The following KIF26A variants were observed in gnomAD, a reference collection of about 807,000 sequenced individuals.
KIF26A encodes kinesin-like protein KIF26A.
Under a neutral mutation model 126.0 loss-of-function variants are expected in KIF26A, and 74 were observed. The ratio of observed to expected loss-of-function variants is 0.59; its 90% CI spans 0.49 to 0.71. KIF26A has a LOEUF of 0.71. Ranked by LOEUF, KIF26A falls within the 30% of genes least tolerant of loss-of-function variation. The pLI is 0.00. For synonymous variants in KIF26A, 1,445 were observed against 1,232.7 expected (o/e 1.17, Z -3.61); for missense variants, 2,984 against 2,763.3 (o/e 1.08, Z -1.79).
chr14:104,167,069 G>T, intron 5 of KIF26A, 21 bp downstream of exon 5: 1 of 1,504,306 alleles, frequency 6.6e-7, no homozygotes. Context: ...CCCCGAGTTC[G>T]GGGCCCTGGG....
Position 104,177,071 on chromosome 14 carries a change from C to T in KIF26A, c.4283C>T (p.Ala1428Val), listed in dbSNP as rs369615329. ...SLKARASKVE[A>V]AHRLAGHASL... ...AAGGCCCGGGCCAGCAAGGTAGAAGCAGCACACCGTCTTGCCGGACACGCG... is the reference window on the plus strand; with the variant it reads ...AAGGCCCGGGCCAGCAAGGTAGAAGTAGCACACCGTCTTGCCGGACACGCG... The change falls in exon 12 of 15, where the codon GCA becomes GTA. Residue 1428 changes from alanine (A) to valine (V), a missense_variant. Ala to Val is a moderately conservative substitution (Grantham distance 64). Transcript: ENST00000423312. 6.0e-5 allele frequency: 96 copies of T among 1,593,064 alleles called. No homozygotes were observed. The African/African-American group carries it at 7.1e-4, about 12-fold the overall frequency.
chr14:104,150,575 G>A (rs1352376342), intron 2 of KIF26A, among the ~76,000 whole-genome samples: 1 of 152,136 alleles, frequency 6.6e-6, no homozygotes, highest in Non-Finnish European at 1.5e-5. Context: ...GCCAGCCAAG[G>A]GCAGGCTCAA....
intron 2 of KIF26A, among the ~76,000 whole-genome samples, chr14:104,149,906 A>T (rs991124691): frequency 6.6e-6 from 1 of 152,058 alleles, no homozygotes; most frequent in Non-Finnish European, 1.5e-5. Flanking sequence ...GCAGGCGGGG[A>T]CTTCCTTCCC....
chr14:104,141,855 C>T (rs111473199), intron 2 of KIF26A, among the ~76,000 whole-genome samples: 38 of 152,348 alleles, frequency 2.5e-4, no homozygotes, highest in African/African-American at 8.2e-4. Flanking sequence ...AGCAGGTTCC[C>T]GAGAGTTCTT....
At chr14:104,173,664 G>A in intron 9 of KIF26A, 42 bp from the exon 10 acceptor site, 1 of 1,601,204 alleles carries the variant, frequency 6.2e-7, no homozygotes, top group Non-Finnish European at 8.5e-7. Flanking sequence ...AGGATCTGGG[G>A]GCCCCTGGCT....
rs1041534181 is a variant in KIF26A, at chr14:104,168,779, G to T, written c.1113+1731G>T. 3.9e-5 allele frequency among the ~76,000 whole-genome samples: 6 copies of T among 152,338 alleles called. No homozygotes were observed. The East Asian group carries it at 1.2e-3, about 29-fold the overall frequency. ...GACATTCTGCATCCAAGGCCCGGGG[G>T]CAGGGGAAGCTGTGTGGCCTGGATC... On this transcript the variant is annotated intron_variant, in intron 5 of 14. Coordinates refer to ENST00000423312, the MANE Select transcript of KIF26A (RefSeq NM_015656.2).
chr14:104,142,978 C>T (rs910916737), intron 2 of KIF26A, among the ~76,000 whole-genome samples: 16 of 152,348 alleles, frequency 1.1e-4, no homozygotes, highest in African/African-American at 3.6e-4. Flanking sequence ...AAGGATGGTT[C>T]CCTGCTTCAA....
intron 2 of KIF26A, among the ~76,000 whole-genome samples, chr14:104,143,355 C>T (rs1454780341): frequency 2.0e-5 from 3 of 152,198 alleles, no homozygotes; most frequent in Non-Finnish European, 1.5e-5. Context: ...AGGCTGGGAG[C>T]CCTCCTACCG....
chr14:104,140,776 C>T (rs1218795433), intron 2 of KIF26A, among the ~76,000 whole-genome samples: 1 of 152,172 alleles, frequency 6.6e-6, no homozygotes, highest in South Asian at 2.1e-4. Context: ...CTGAGCTTGG[C>T]CTTTGACACT....
In KIF26A at chr14:104,175,953, T is replaced by G; in HGVS notation, c.3165T>G (p.Ala1055=). 1 of 1,567,062 alleles carries G rather than the reference T, an allele frequency of 6.4e-7. No individual in the cohort carries two copies. Among genetic ancestry groups the G allele is most frequent in the African/African-American group, 1.3e-5 (1 of 74,266 alleles). Residue 1055 remains alanine, a synonymous_variant, in exon 12 of 15, where the codon GCT becomes GCG. Transcript: ENST00000423312. ...GAGCTGGGCGGCCCACCAGCCTGGCTAGCTTCGACAGTGACTGCTCCCTGC... is the reference window on the plus strand; with the variant it reads ...GAGCTGGGCGGCCCACCAGCCTGGCGAGCTTCGACAGTGACTGCTCCCTGC... ...LAGAGRPTSL[A]SFDSDCSLRA...
In KIF26A at chr14:104,176,320, G is replaced by C; in HGVS notation, c.3532G>C (p.Gly1178Arg). 6.3e-7 allele frequency: 1 copy of C among 1,586,044 alleles called. No individual in the cohort carries two copies. The highest frequency in any genetic ancestry group is 8.6e-7 in the Non-Finnish European group (1 of 1,163,138). The part of the protein sequence containing the change: ...SPGPTWGPCP[G>R]EVAAVAPSRP... ...TGGGCCAACCTGGGGTCCGTGCCCT[G>C]GGGAAGTGGCTGCAGTGGCCCCATC... Residue 1178 changes from glycine to arginine, a missense_variant, in exon 12 of 15, where the codon GGG becomes CGG. Coordinates refer to ENST00000423312, the MANE Select transcript of KIF26A (RefSeq NM_015656.2).
chr14:104,151,434 T>C lies in KIF26A; in HGVS notation c.289-581T>C, dbSNP rs1258801992. On this transcript the variant is annotated intron_variant, in intron 2 of 14. Coordinates refer to ENST00000423312, the MANE Select transcript of KIF26A (RefSeq NM_015656.2). This position sits in a 1 kb window ranked among gnomAD's most constrained non-coding sequence, Gnocchi z 4.9. ...CCTGGGCTGTACCCGATCCTGCGGC[T>C]CTTGCGCCCCTTCGGTGAGCTCATG... 1.3e-5 allele frequency among the ~76,000 whole-genome samples: 2 copies of C among 152,194 alleles called. No homozygotes were observed. The highest frequency in any genetic ancestry group is 1.3e-4 in the Admixed American group (2 of 15,284).
chr14:104,168,949 G>A (rs923624299), intron 5 of KIF26A, among the ~76,000 whole-genome samples: 5 of 152,210 alleles, frequency 3.3e-5, no homozygotes, highest in African/African-American at 1.2e-4. Context: ...CTGGGGGTCT[G>A]CGGGGAACAA....
intron 2 of KIF26A, among the ~76,000 whole-genome samples, chr14:104,140,075 A>G (rs916672267): frequency 2.6e-5 from 4 of 152,170 alleles, no homozygotes; most frequent in African/African-American, 9.7e-5. Context: ...GCCTTTATGA[A>G]AGAGTTCCTG....
At position 104,180,564 on chromosome 14, in the gene KIF26A, T is replaced by C. The variant is rs769541880; in HGVS notation, c.*774T>C. The C allele has an allele frequency of 6.5e-6, 1 of 152,854 alleles. No individual in the cohort carries two copies. The highest frequency in any genetic ancestry group is 1.5e-5 in the Non-Finnish European group (1 of 68,220). 9.5% of individuals were successfully genotyped at this position (152,854 alleles called of 1,614,324 possible). A position where few individuals can be genotyped will look rare whatever the true frequency, so the allele number is the denominator to read the frequency against. ...TCATATTTTTATATCATTTTGCCCATAAATGCGGAATTTGCCGTGGGAATT... is the reference window on the plus strand; with the variant it reads ...TCATATTTTTATATCATTTTGCCCACAAATGCGGAATTTGCCGTGGGAATT... On this transcript the variant is annotated 3_prime_UTR_variant, in exon 15 of 15. Coordinates refer to ENST00000423312, the MANE Select transcript of KIF26A (RefSeq NM_015656.2).
intron 4 of KIF26A, among the ~76,000 whole-genome samples, chr14:104,161,146 GCTGGGA>G (rs2141103317): frequency 1.3e-5 from 2 of 152,356 alleles, no homozygotes; most frequent in South Asian, 4.1e-4. Context: ...CCACAGCAGG[GCTGGGA>G]GTTGGAGGGG....
In KIF26A at chr14:104,175,384, G is replaced by GGAGCTCAGGCCAGCCCCGCCC; in HGVS notation, c.2600_2620dup (p.Ala867_Arg873dup). 2 of 1,598,098 alleles carry GGAGCTCAGGCCAGCCCCGCCC rather than the reference G, an allele frequency of 1.3e-6. No individual in the cohort carries two copies. The highest frequency in any genetic ancestry group is 1.7e-6 in the Non-Finnish European group (2 of 1,176,974). ...CTCAGGAGGTCCAGGTGGCACCGACGGAGCTCAGGCCAGCCCCGCCCGAGG... is the reference window on the plus strand; with the variant it reads ...CTCAGGAGGTCCAGGTGGCACCGACGGAGCTCAGGCCAGCCCCGCCCGAGCTCAGGCCAGCCCCGCCCGAGG... On this transcript the variant is annotated inframe_insertion, in exon 12 of 15. Transcript: ENST00000423312.
chr14:104,176,168 C>G lies in KIF26A; in HGVS notation c.3380C>G (p.Pro1127Arg). The G allele has an allele frequency of 1.3e-6, 2 of 1,592,092 alleles. No homozygotes were observed. The highest frequency in any genetic ancestry group is 8.5e-7 in the Non-Finnish European group (1 of 1,170,460). The change falls in exon 12 of 15, where the codon CCC becomes CGC. Residue 1127 changes from proline to arginine, a missense_variant. Pro to Arg is a moderately radical substitution (Grantham distance 103). Transcript: ENST00000423312. The part of the protein sequence containing the change: ...VSVCTADSRD[P>R]TPQPRFSPDS... Reference sequence around the variant, plus strand: ...GTCTGCACTGCCGACAGCCGTGACCCCACGCCGCAGCCCCGCTTCAGCCCC... The same window carrying G: ...GTCTGCACTGCCGACAGCCGTGACCGCACGCCGCAGCCCCGCTTCAGCCCC...
chr14:104,172,081 T>C (rs1566863304), intron 6 of KIF26A, 146 bp downstream of exon 6: 5 of 780,344 alleles, frequency 6.4e-6, no homozygotes, highest in African/African-American at 5.2e-5. Flanking sequence ...GCCTGCCTGC[T>C]TACCTCCCTC....
Sources: allele counts gnomAD v4.1 joint callset (sites outside exome capture counted in the v4.1 genomes callset), GRCh38; gene constraint gnomAD v4.1.1; non-coding constraint Gnocchi (gnomAD v3.1); transcripts MANE v1.5; gene names NCBI Gene and HGNC (gene_info 2026-07-23, HGNC 2026-07-21).